SLC22A14: variants seen among roughly 807,000 people sequenced by gnomAD.
The protein encoded by SLC22A14 is organic cation transporter-like 4.
A neutral mutation model predicts 53.9 loss-of-function variants in SLC22A14; 50 were observed. The observed-to-expected ratio is 0.93, with a 90% CI of 0.74 to 1.17. SLC22A14 has a LOEUF of 1.17. Ranked by LOEUF, SLC22A14 falls within the 50% of genes most tolerant of loss-of-function variation. The probability of loss-of-function intolerance (pLI) is 0.00; values close to 1 mark genes in which losing one functional copy is unlikely to be tolerated. For missense variants in SLC22A14, 671 were observed against 734.7 expected, an observed-to-expected ratio of 0.91 and a Z score of 1.00; for synonymous variants, 312 against 303.0, an observed-to-expected ratio of 1.03 and a Z score of -0.31.
chr3:38,295,814 C>CTCTCTCTCTT (rs1559545996), intron 1 of SLC22A14, among the ~76,000 whole-genome samples: 1 of 151,956 alleles, frequency 6.6e-6, no homozygotes, highest in Non-Finnish European at 1.5e-5. Context: ...CTCTCTCTCT[C>CTCTCTCTCTT]TCTCTCTCTT....
intron 1 of SLC22A14, among the ~76,000 whole-genome samples, chr3:38,285,109 C>T (rs577159407): frequency 1.3e-5 from 2 of 152,256 alleles, no homozygotes; most frequent in South Asian, 2.1e-4. Flanking sequence ...ACAAAGATTC[C>T]GTAGCCATTA....
intron 8 of SLC22A14, 141 bp from the exon 9 acceptor site, chr3:38,315,417 G>A: frequency 1.2e-6 from 1 of 851,314 alleles, no homozygotes; most frequent in Non-Finnish European, 1.8e-6. Context: ...AGCCTGGCTG[G>A]GCCTCTGACA....
At chr3:38,312,443 A>C (rs1704492923) in intron 5 of SLC22A14, among the ~76,000 whole-genome samples, 1 of 152,246 alleles carries the variant, frequency 6.6e-6, no homozygotes, top group Non-Finnish European at 1.5e-5. Flanking sequence ...TTCTGAAGTC[A>C]AAGGCAATAG....
chr3:38,305,674 T>C (rs970353722), intron 1 of SLC22A14: 1 of 235,360 alleles, frequency 4.2e-6, no homozygotes, highest in African/African-American at 2.3e-5. Flanking sequence ...TAGAGACCTC[T>C]CCTACCTTTT....
intron 1 of SLC22A14, among the ~76,000 whole-genome samples, chr3:38,291,798 G>C (rs888269499): frequency 6.6e-6 from 1 of 152,214 alleles, no homozygotes; most frequent in African/African-American, 2.4e-5. Flanking sequence ...TTCTGCTTCA[G>C]GTGTCCATCT....
Position 38,306,264 on chromosome 3 carries a change from T to C in SLC22A14, c.238T>C (p.Ser80Pro), listed in dbSNP as rs1290117294. The C allele has an allele frequency of 2.5e-6, 4 of 1,614,210 alleles. No individual in the cohort carries two copies. In the Admixed American group the frequency reaches 6.7e-5, roughly 27 times the overall value. The stretch of plus-strand genomic sequence containing the variant: ...CCTCACCTTTATCCCCAGCATCATG[T>C]CGGCCTTCTTCATGTTTGCTGACCA... ...VALTFIPSIM[S>P]AFFMFADHFV... Residue 80 changes from serine (S) to proline (P), a missense_variant, in exon 2 of 11, where the codon TCG becomes CCG. Coordinates refer to ENST00000448498, the MANE Select transcript of SLC22A14 (RefSeq NM_001320033.2).
intron 1 of SLC22A14, among the ~76,000 whole-genome samples, chr3:38,289,180 C>CAAAAAAA (rs1173451784): frequency 7.6e-5 from 4 of 52,976 alleles, no homozygotes; most frequent in Admixed American, 2.4e-4. Flanking sequence ...TCTATCTCTA[C>CAAAAAAA]AAAAAAAAAA....
At chr3:38,308,827 G>A (rs138946649) in intron 4 of SLC22A14, 127 bp from the exon 5 acceptor site, 15,021 of 837,812 alleles carry the variant, frequency 0.018, 191 homozygotes, top group Non-Finnish European at 0.022. Context: ...GTGCAGAGAC[G>A]AGCAGAAGAA....
At position 38,313,782 on chromosome 3, in the gene SLC22A14, G is replaced by A. The variant is rs368735262; in HGVS notation, c.1219G>A (p.Val407Met). 104 of 1,606,786 alleles carry A rather than the reference G, an allele frequency of 6.5e-5. No individual in the cohort carries two copies. Among genetic ancestry groups the A allele is most frequent in the East Asian group, 2.2e-4 (10 of 44,448 alleles). ...TLSLRMRELG[V>M]SVHFRHVVPS... ...GAGCCTGAGAATGAGAGAGCTGGGC[G>A]TGAGCGTCCACTTCAGACACGTGGT... Residue 407 changes from valine to methionine, a missense_variant, in exon 8 of 11, where the codon GTG becomes ATG. By Grantham distance (21) the Val-to-Met change is conservative. Coordinates refer to ENST00000448498, the MANE Select transcript of SLC22A14 (RefSeq NM_001320033.2).
chr3:38,314,067 C>T (rs1186771073), intron 8 of SLC22A14, 126 bp downstream of exon 8: 4 of 704,272 alleles, frequency 5.7e-6, no homozygotes, highest in Non-Finnish European at 9.6e-6. Flanking sequence ...ACCTATAGCC[C>T]ACCCACCCCA....
intron 4 of SLC22A14, among the ~76,000 whole-genome samples, chr3:38,308,688 CAG>C (rs780613454): frequency 2.4e-4 from 36 of 152,354 alleles, no homozygotes; most frequent in East Asian, 1.4e-3. Context: ...CGTGGTCAGA[CAG>C]GGGATGTGCA....
intron 1 of SLC22A14, among the ~76,000 whole-genome samples, chr3:38,293,487 GT>G (rs1207360477): frequency 6.6e-6 from 1 of 152,168 alleles, no homozygotes; most frequent in Non-Finnish European, 1.5e-5. Context: ...GGCTTTTGAA[GT>G]TTTTTTCTAA....
intron 1 of SLC22A14, among the ~76,000 whole-genome samples, chr3:38,290,576 A>G (rs759657983): frequency 1.3e-5 from 2 of 152,162 alleles, no homozygotes; most frequent in Non-Finnish European, 2.9e-5. Context: ...AGTAAACAAT[A>G]ATTTGGCCAT....
chr3:38,310,655 G>T (rs374674132), intron 5 of SLC22A14, among the ~76,000 whole-genome samples: 2 of 152,098 alleles, frequency 1.3e-5, no homozygotes, highest in African/African-American at 2.4e-5. Context: ...AGGTCCATTC[G>T]TGGGTCTTCT....
chr3:38,318,429 C>G lies in SLC22A14; in HGVS notation c.*180C>G, dbSNP rs1004596784. On this transcript the variant is annotated 3_prime_UTR_variant, in exon 11 of 11. Transcript: ENST00000448498. ...GTGGCCAAGTATGGGGTCATGGATTCCAGGCCACAAATTCCAGGCCTAGTT... is the reference window on the plus strand; with the variant it reads ...GTGGCCAAGTATGGGGTCATGGATTGCAGGCCACAAATTCCAGGCCTAGTT... The G allele has an allele frequency of 1.6e-6, 1 of 621,956 alleles. No homozygotes were observed. The highest frequency in any genetic ancestry group is 1.8e-5 in the African/African-American group (1 of 55,130). 38.5% of individuals were successfully genotyped at this position (621,956 alleles called of 1,614,324 possible).
In SLC22A14 at chr3:38,291,262, G is replaced by T. The variant is rs546225242; in HGVS notation, c.-1+8923G>T. 2.0e-5 allele frequency among the ~76,000 whole-genome samples: 3 copies of T among 152,226 alleles called. No individual in the cohort carries two copies. The South Asian group carries it at 6.2e-4, about 32-fold the overall frequency. ...TTCCATCAGTATACAAGTTGAGGTCGGGATCAGTCAAGGGAACCTCTAGAA... is the reference window on the plus strand; with the variant it reads ...TTCCATCAGTATACAAGTTGAGGTCTGGATCAGTCAAGGGAACCTCTAGAA... On this transcript the variant is annotated intron_variant, in intron 1 of 10. Coordinates refer to ENST00000448498, the MANE Select transcript of SLC22A14 (RefSeq NM_001320033.2).
chr3:38,310,591 A>G (rs1575421408), intron 5 of SLC22A14, among the ~76,000 whole-genome samples: 1 of 152,076 alleles, frequency 6.6e-6, no homozygotes, highest in African/African-American at 2.4e-5. Flanking sequence ...GGCAGGGGCT[A>G]TTATAGTCTC....
chr3:38,295,205 C>A (rs1704002855), intron 1 of SLC22A14, among the ~76,000 whole-genome samples: 1 of 152,180 alleles, frequency 6.6e-6, no homozygotes, highest in Non-Finnish European at 1.5e-5. Context: ...ATTTAAATCC[C>A]CTGTTAGGAA....
intron 1 of SLC22A14, among the ~76,000 whole-genome samples, chr3:38,302,436 T>G (rs1704190634): frequency 6.6e-6 from 1 of 151,518 alleles, no homozygotes; most frequent in Non-Finnish European, 1.5e-5. Flanking sequence ...GCAAGCAGAT[T>G]GCTTGAGCTC....
Sources: allele counts gnomAD v4.1 joint callset (sites outside exome capture counted in the v4.1 genomes callset), GRCh38; gene constraint gnomAD v4.1.1; transcripts MANE v1.5; gene names NCBI Gene and HGNC (gene_info 2026-07-23, HGNC 2026-07-21).